The following DLG2 variants were observed in gnomAD, a reference collection of about 807,000 sequenced individuals.
DLG2 encodes the protein disks large homolog 2.
In DLG2, 45 loss-of-function variants were observed where a neutral mutation model predicts 132.5. The ratio of observed to expected loss-of-function variants is 0.34; its 90% CI spans 0.27 to 0.44. DLG2 has a LOEUF of 0.44. Ranked by LOEUF, DLG2 falls within the 20% of genes least tolerant of loss-of-function variation. DLG2 has a pLI of 1.00. For synonymous variants in DLG2, 424 were observed against 419.6 expected (o/e 1.01, Z -0.13); for missense variants, 1,045 against 1,196.9 (o/e 0.87, Z 1.87).
intron 6 of DLG2, among the ~76,000 whole-genome samples, chr11:84,629,411 C>T (rs1042132718): frequency 6.6e-6 from 1 of 152,130 alleles, no homozygotes; most frequent in Non-Finnish European, 1.5e-5. Flanking sequence ...TGTGGAAATG[C>T]TGGGGAGCTG....
At chr11:84,464,025 A>T (rs753018248) in intron 7 of DLG2, among the ~76,000 whole-genome samples, 7 of 151,266 alleles carry the variant, frequency 4.6e-5, no homozygotes, top group Non-Finnish European at 8.9e-5. Flanking sequence ...GCAAAATTTC[A>T]ATCTAATTTT....
chr11:84,853,727 T>A (rs2082434672), intron 6 of DLG2, among the ~76,000 whole-genome samples: 1 of 151,976 alleles, frequency 6.6e-6, no homozygotes, highest in African/African-American at 2.4e-5. Flanking sequence ...TAGTCTTCCT[T>A]CTTCTCACAG....
intron 7 of DLG2, among the ~76,000 whole-genome samples, chr11:84,378,638 A>G (rs1466010031): frequency 1.3e-5 from 2 of 151,990 alleles, no homozygotes; most frequent in Middle Eastern, 3.2e-3. Context: ...AACCACCAAT[A>G]TAAGAGTTCA....
intron 8 of DLG2, among the ~76,000 whole-genome samples, chr11:84,208,800 A>C (rs984894259): frequency 1.3e-5 from 2 of 152,184 alleles, no homozygotes; most frequent in African/African-American, 4.8e-5. Context: ...TTAAGGTTAA[A>C]AGTTTTGAAA....
chr11:84,219,867 G>A (rs1445037534), intron 8 of DLG2, among the ~76,000 whole-genome samples: 1 of 152,150 alleles, frequency 6.6e-6, no homozygotes, highest in Non-Finnish European at 1.5e-5. Context: ...GCTCCTCTGT[G>A]TTATATACAT....
intron 3 of DLG2, among the ~76,000 whole-genome samples, chr11:85,473,914 T>C (rs1281256200): frequency 6.6e-6 from 1 of 151,778 alleles, no homozygotes; most frequent in Non-Finnish European, 1.5e-5. Flanking sequence ...AAAGGAAGTA[T>C]AGGAAAATAC....
chr11:84,470,520 A>T (rs1163460459), intron 7 of DLG2, among the ~76,000 whole-genome samples: 1 of 151,790 alleles, frequency 6.6e-6, no homozygotes, highest in Non-Finnish European at 1.5e-5. Flanking sequence ...AGGAGTTTGC[A>T]GTCAGGGAAG....
chr11:84,053,844 T>G (rs1003283084), intron 11 of DLG2, among the ~76,000 whole-genome samples: 1 of 152,002 alleles, frequency 6.6e-6, no homozygotes, highest in Non-Finnish European at 1.5e-5. Context: ...TAGTTACCAT[T>G]TTTCCTGTAC....
At chr11:85,199,032 T>C (rs2081263118) in intron 4 of DLG2, among the ~76,000 whole-genome samples, 1 of 152,194 alleles carries the variant, frequency 6.6e-6, no homozygotes, top group Non-Finnish European at 1.5e-5. Context: ...AATATATGCC[T>C]ATTTTAGGAC....
At chr11:85,318,508 C>A (rs1793018847) in intron 3 of DLG2, among the ~76,000 whole-genome samples, 1 of 151,806 alleles carries the variant, frequency 6.6e-6, no homozygotes, top group Non-Finnish European at 1.5e-5. Context: ...GCAGCCTTAT[C>A]TTGGCCAAAG....
At chr11:83,595,696 C>A (rs184019427) in intron 19 of DLG2, among the ~76,000 whole-genome samples, 210 of 152,278 alleles carry the variant, frequency 1.4e-3, no homozygotes, top group Admixed American at 3.2e-3. Flanking sequence ...ATTCTCCAGC[C>A]TTTTGGAGAC....
intron 10 of DLG2, among the ~76,000 whole-genome samples, chr11:84,065,952 A>C (rs1024327895): frequency 6.6e-6 from 1 of 152,158 alleles, no homozygotes; most frequent in Non-Finnish European, 1.5e-5. Flanking sequence ...ATCCTAAGCA[A>C]TCTAACACAG....
At chr11:85,536,846 G>A (rs2075619402) in intron 3 of DLG2, among the ~76,000 whole-genome samples, 1 of 152,168 alleles carries the variant, frequency 6.6e-6, no homozygotes, top group African/African-American at 2.4e-5. Context: ...TTTTCCTCTT[G>A]ATTGTCTGGG....
At chr11:83,635,938 C>G (rs2064723840) in intron 18 of DLG2, among the ~76,000 whole-genome samples, 1 of 152,058 alleles carries the variant, frequency 6.6e-6, no homozygotes, top group African/African-American at 2.4e-5. Context: ...AATAGCATTT[C>G]CCAGAGAAGA....
rs183020745 is a variant in DLG2, at chr11:84,635,332, C to T, written c.358-100601G>A. 2.6e-3 allele frequency among the ~76,000 whole-genome samples: 393 copies of T among 152,244 alleles called. 1 individual carries two copies. Among genetic ancestry groups the T allele is most frequent in the African/African-American group, 9.2e-3 (384 of 41,550 alleles). ...CTTCCTTGGGGCCAATACTGATGCC[C>T]ATTACCACTCTTGGCTTTTAACCTA... On this transcript the variant is annotated intron_variant, in intron 6 of 27. Coordinates refer to ENST00000376104, the MANE Select transcript of DLG2 (RefSeq NM_001142699.3).
chr11:84,105,536 T>C (rs1283506178), intron 9 of DLG2, among the ~76,000 whole-genome samples: 1 of 152,180 alleles, frequency 6.6e-6, no homozygotes, highest in East Asian at 1.9e-4. Context: ...ATGTATTCTT[T>C]AATTCATGCC....
intron 4 of DLG2, among the ~76,000 whole-genome samples, chr11:85,188,443 T>C (rs1321357038): frequency 6.6e-6 from 1 of 152,194 alleles, no homozygotes; most frequent in African/African-American, 2.4e-5. Context: ...ATCTAAAATG[T>C]CTAGTTTTTT....
intron 3 of DLG2, among the ~76,000 whole-genome samples, chr11:85,439,680 G>A (rs927070137): frequency 6.6e-5 from 10 of 152,032 alleles, no homozygotes; most frequent in Admixed American, 5.2e-4. Flanking sequence ...CTTTTAATCC[G>A]AGGATCACAA....
intron 4 of DLG2, among the ~76,000 whole-genome samples, chr11:85,163,224 G>GACAC (rs112583126): frequency 5.0e-4 from 67 of 135,214 alleles, no homozygotes; most frequent in East Asian, 4.8e-3. Flanking sequence ...CACACACACA[G>GACAC]ACACACACAC....
Sources: allele counts gnomAD v4.1 joint callset (sites outside exome capture counted in the v4.1 genomes callset), GRCh38; gene constraint gnomAD v4.1.1; transcripts MANE v1.5; gene names NCBI Gene and HGNC (gene_info 2026-07-23, HGNC 2026-07-21).